The following SYNPR variants were observed in gnomAD, a reference collection of about 807,000 sequenced individuals.
SYNPR encodes the protein synaptoporin.
SYNPR carries 23 observed loss-of-function variants against 32.9 expected under a neutral mutation model. The observed-to-expected ratio is 0.70, with a 90% CI of 0.50 to 0.99. The LOEUF (loss-of-function observed/expected upper bound fraction) is 0.99, where lower values mean the gene tolerates loss of function less well. Among genes scored for constraint, SYNPR ranks in the 50% least tolerant of loss-of-function variants. The pLI, the probability that SYNPR is intolerant of heterozygous loss-of-function variation, is 0.00. For missense variants in SYNPR, 318 were observed against 349.3 expected, an observed-to-expected ratio of 0.91 and a Z score of 0.71; for synonymous variants, 146 against 135.9, an observed-to-expected ratio of 1.07 and a Z score of -0.52.
chr3:63,342,826 G>T (rs1341233570), intron 2 of SYNPR, among the ~76,000 whole-genome samples: 1 of 152,134 alleles, frequency 6.6e-6, no homozygotes, highest in Non-Finnish European at 1.5e-5. Context: ...TCTATTTCAT[G>T]TTGATTGATT....
rs13069093 is a variant in SYNPR at position 63,517,588 on chromosome 3, C to G, written c.209+36632C>G. 7.3e-3 allele frequency among the ~76,000 whole-genome samples: 1,111 copies of G among 152,234 alleles called. 8 individuals carry two copies. Among genetic ancestry groups the G allele is most frequent in the Non-Finnish European group, 0.013 (893 of 68,010 alleles). On this transcript the variant is annotated intron_variant, in intron 3 of 5. Transcript: ENST00000478300. ...CAATTACAGGAACAATGTTTTACTC[C>G]TTTTAGAATCATATTCTTGCCCTTG... is the stretch of plus-strand genomic sequence containing the variant.
At chr3:63,497,369 G>A (rs1224088258) in intron 3 of SYNPR, among the ~76,000 whole-genome samples, 1 of 152,102 alleles carries the variant, frequency 6.6e-6, no homozygotes, top group African/African-American at 2.4e-5. Context: ...AACGTATGGT[G>A]AAAGAGTTTG....
intron 2 of SYNPR, among the ~76,000 whole-genome samples, chr3:63,356,258 G>A (rs562333422): frequency 1.3e-5 from 2 of 152,322 alleles, no homozygotes; most frequent in South Asian, 2.1e-4. Flanking sequence ...CTTGATTGGA[G>A]CTTATCTTAC....
intron 2 of SYNPR, chr3:63,443,619 G>C (rs1010496201): frequency 2.1e-5 from 19 of 925,210 alleles, no homozygotes; most frequent in Non-Finnish European, 3.0e-5. Context: ...TCTTGACTTT[G>C]CTTTCTTGTA....
intron 2 of SYNPR, among the ~76,000 whole-genome samples, chr3:63,348,025 A>T (rs1484432245): frequency 6.6e-6 from 1 of 151,962 alleles, no homozygotes; most frequent in Non-Finnish European, 1.5e-5. Context: ...CAGGTATCTG[A>T]GTACAGGTAT....
chr3:63,515,658 G>C (rs886853802), intron 3 of SYNPR, among the ~76,000 whole-genome samples: 1 of 152,072 alleles, frequency 6.6e-6, no homozygotes, highest in African/African-American at 2.4e-5. Context: ...CATGTGTATT[G>C]TAAATGATCT....
rs765309531 is a variant in SYNPR at position 63,615,419 on chromosome 3, C to A, written c.796C>A (p.Pro266Thr). Residue 266 changes from proline (P) to threonine (T), a missense_variant, in exon 6 of 6, where the codon CCA (proline) becomes ACA (threonine). Physicochemically the swap from Pro to Thr is conservative, Grantham distance 38. Transcript: ENST00000478300. ...GTACAGTCAGCAGGCGAGTTTGGGGCCAACCTCAGATGAGTTTGGCCAACA... is the reference window on the plus strand; with the variant it reads ...GTACAGTCAGCAGGCGAGTTTGGGGACAACCTCAGATGAGTTTGGCCAACA... ...SGYSQQASLG[P>T]TSDEFGQQPT... is the part of the protein sequence containing the mutation. 12 of 1,613,778 alleles carry A rather than the reference C, an allele frequency of 7.4e-6. No individual in the cohort carries two copies. The East Asian group carries it at 2.5e-4, about 33-fold the overall frequency.
chr3:63,246,759 CA>C (rs1227929231), intron 1 of SYNPR, among the ~76,000 whole-genome samples: 1 of 151,998 alleles, frequency 6.6e-6, no homozygotes, highest in Non-Finnish European at 1.5e-5. Context: ...TACGGGGCCT[CA>C]GGATGTCACA....
At chr3:63,388,452 A>G (rs1339578301) in intron 2 of SYNPR, among the ~76,000 whole-genome samples, 1 of 137,924 alleles carries the variant, frequency 7.3e-6, no homozygotes, top group East Asian at 2.1e-4. Context: ...CCATGGTGCA[A>G]TCTCGGCTCA....
the SYNPR span, among the ~76,000 whole-genome samples, chr3:63,217,879 A>T: frequency 6.6e-6 from 1 of 152,154 alleles, no homozygotes; most frequent in Admixed American, 6.5e-5. Context: ...GGGCCCACTT[A>T]AGAGGAATTG....
At chr3:63,554,002 G>A (rs935885301) in intron 3 of SYNPR, among the ~76,000 whole-genome samples, 2 of 152,288 alleles carry the variant, frequency 1.3e-5, no homozygotes, top group South Asian at 2.1e-4. Flanking sequence ...GATTACAGGC[G>A]TGAGCCACCA....
Position 63,615,288 on chromosome 3 carries a change from G to C in SYNPR, c.665G>C (p.Gly222Ala). The C allele has an allele frequency of 6.2e-7, 1 of 1,613,834 alleles. No homozygotes were observed. The highest frequency in any genetic ancestry group is 1.1e-5 in the South Asian group (1 of 91,060). Residue 222 changes from glycine (G) to alanine (A), a missense_variant, in exon 6 of 6, where the codon GGC becomes GCC. By Grantham distance (60) the Gly-to-Ala change is moderately conservative. Transcript: ENST00000478300. ...GNIWFVFKET[G>A]WHSSGQRYLS... Reference sequence around the variant, plus strand: ...ATATGGTTTGTTTTCAAGGAGACCGGCTGGCATTCTTCGGGACAGAGATAT... The same window carrying C: ...ATATGGTTTGTTTTCAAGGAGACCGCCTGGCATTCTTCGGGACAGAGATAT...
chr3:63,203,850 T>G, the SYNPR span, among the ~76,000 whole-genome samples: 1 of 152,116 alleles, frequency 6.6e-6, no homozygotes, highest in African/African-American at 2.4e-5. Flanking sequence ...ATACAAAAAA[T>G]TAGCTGGAAG....
chr3:63,573,605 G>A (rs536166045), intron 4 of SYNPR, among the ~76,000 whole-genome samples: 1 of 152,262 alleles, frequency 6.6e-6, no homozygotes, highest in East Asian at 1.9e-4. Context: ...ATCAGTGGAA[G>A]CCTAGAGAAG....
upstream of SYNPR, among the ~76,000 whole-genome samples, chr3:63,274,046 G>C (rs2086556394): frequency 6.6e-6 from 1 of 152,260 alleles, no homozygotes; most frequent in South Asian, 2.1e-4. Flanking sequence ...CTTACCTAAG[G>C]AAAGATTTGG....
chr3:63,408,195 AGG>A (rs377649566), intron 2 of SYNPR, among the ~76,000 whole-genome samples: 4,202 of 43,526 alleles, frequency 0.097, 850 homozygotes, highest in Middle Eastern at 0.18. Flanking sequence ...AGAAAGAAAG[AGG>A]AAGGAAGGAA....
intron 2 of SYNPR, among the ~76,000 whole-genome samples, chr3:63,467,705 C>T (rs1700710378): frequency 6.6e-6 from 1 of 152,158 alleles, no homozygotes; most frequent in African/African-American, 2.4e-5. Flanking sequence ...TATGCTTAAA[C>T]CTGCTCATCT....
intron 2 of SYNPR, among the ~76,000 whole-genome samples, chr3:63,292,593 G>A (rs1313988116): frequency 1.3e-5 from 2 of 152,184 alleles, no homozygotes; most frequent in East Asian, 3.8e-4. Context: ...TAGAAATAAT[G>A]ATAACTAGCA....
At chr3:63,370,852 C>A (rs2087802970) in intron 2 of SYNPR, among the ~76,000 whole-genome samples, 1 of 152,072 alleles carries the variant, frequency 6.6e-6, no homozygotes. Context: ...GAGAAAGACC[C>A]CTATATAAAC....
Sources: gnomAD v4.1 joint callset for allele counts (sites outside exome capture counted in the v4.1 genomes callset) on GRCh38, gnomAD v4.1.1 for gene constraint, MANE v1.5 for transcripts, NCBI Gene and HGNC (gene_info 2026-07-23, HGNC 2026-07-21) for gene names.